Variants in CAMTA1 observed in about 807,000 individuals in gnomAD.
The protein encoded by CAMTA1 is calmodulin binding transcription activator 1.
A neutral mutation model predicts 170.9 loss-of-function variants in CAMTA1; 27 were observed. That is an observed-to-expected ratio of 0.16 (90% CI 0.12 to 0.22). The LOEUF (loss-of-function observed/expected upper bound fraction) is 0.22, where lower values mean the gene tolerates loss of function less well. Ranked by LOEUF, CAMTA1 falls within the 10% of genes least tolerant of loss-of-function variation. CAMTA1 has a pLI of 1.00. For synonymous variants in CAMTA1, 833 were observed against 891.5 expected (o/e 0.93, Z 1.17); for missense variants, 1,619 against 2,217.2 (o/e 0.73, Z 5.42).
intron 6 of CAMTA1, among the ~76,000 whole-genome samples, chr1:7,524,314 A>G (rs1618718): frequency 0.79 from 119,962 of 152,220 alleles, 47,673 homozygotes; most frequent in African/African-American, 0.89. Flanking sequence ...AAATGCAATC[A>G]ATTTTTCTGT....
At chr1:6,939,218 G>T (rs1039856407) in intron 3 of CAMTA1, among the ~76,000 whole-genome samples, 9 of 152,222 alleles carry the variant, frequency 5.9e-5, no homozygotes, top group African/African-American at 2.2e-4. Flanking sequence ...TAGTTCAGCA[G>T]GGGAACTGCG....
At chr1:7,520,434 GGA>G (rs1392173906) in intron 6 of CAMTA1, among the ~76,000 whole-genome samples, 1 of 150,390 alleles carries the variant, frequency 6.6e-6, no homozygotes, top group Non-Finnish European at 1.5e-5. Flanking sequence ...GTCTTGGCAG[GGA>G]GGTGGGGCCA....
At chr1:6,890,121 T>TC (rs1294605267) in intron 3 of CAMTA1, among the ~76,000 whole-genome samples, 3 of 152,168 alleles carry the variant, frequency 2.0e-5, no homozygotes, top group Non-Finnish European at 2.9e-5. Flanking sequence ...CCAGGAGCCT[T>TC]CCGGAGGCTC....
intron 21 of CAMTA1, 39 bp from the exon 22 acceptor site, chr1:7,755,599 T>A (rs781629129): frequency 1.9e-6 from 3 of 1,539,276 alleles, no homozygotes; most frequent in Non-Finnish European, 1.8e-6. Context: ...GTGACCCTCA[T>A]GTGCTAATAG....
At chr1:7,490,728 C>T (rs972340610) in intron 6 of CAMTA1, among the ~76,000 whole-genome samples, 5 of 152,148 alleles carry the variant, frequency 3.3e-5, no homozygotes, top group Non-Finnish European at 7.4e-5. Flanking sequence ...ACCCAGCCAC[C>T]GTGCGTTACC....
chr1:7,315,526 A>G (rs1475826925), intron 5 of CAMTA1, among the ~76,000 whole-genome samples: 1 of 152,196 alleles, frequency 6.6e-6, no homozygotes, highest in African/African-American at 2.4e-5. Context: ...CTGGGTCAAC[A>G]TGGACAACTC....
intron 5 of CAMTA1, among the ~76,000 whole-genome samples, chr1:7,401,209 T>C (rs1313967508): frequency 3.9e-5 from 6 of 152,188 alleles, no homozygotes; most frequent in Non-Finnish European, 8.8e-5. Context: ...GATTAAGAAG[T>C]GTTTTTCTTT....
chr1:7,531,650 C>T (rs1473085669), intron 6 of CAMTA1, among the ~76,000 whole-genome samples: 3 of 152,254 alleles, frequency 2.0e-5, no homozygotes, highest in African/African-American at 7.2e-5. Context: ...AGGAGAGGAG[C>T]CTCCCTCTCG....
chr1:6,990,771 C>T (rs1483671364), intron 3 of CAMTA1, among the ~76,000 whole-genome samples: 2 of 145,270 alleles, frequency 1.4e-5, no homozygotes, highest in Non-Finnish European at 3.0e-5. Flanking sequence ...ATAACATGTA[C>T]TTTCTCTCTC....
chr1:7,358,733 A>G (rs965336710), intron 5 of CAMTA1, among the ~76,000 whole-genome samples: 1 of 152,188 alleles, frequency 6.6e-6, no homozygotes, highest in African/African-American at 2.4e-5. Context: ...AGCCACCCTC[A>G]TGTGACTTGA....
intron 3 of CAMTA1, among the ~76,000 whole-genome samples, chr1:6,837,418 GC>G (rs1443790003): frequency 1.3e-5 from 2 of 152,292 alleles, no homozygotes; most frequent in Admixed American, 1.3e-4. Context: ...TTTAGGTGGT[GC>G]TGCAAAGGGA....
intron 3 of CAMTA1, among the ~76,000 whole-genome samples, chr1:6,991,506 T>A (rs1696360843): frequency 6.6e-6 from 1 of 152,236 alleles, no homozygotes; most frequent in South Asian, 2.1e-4. Context: ...TTATTAGTCA[T>A]CCATATATCT....
rs2094507950 is a variant in CAMTA1, at chr1:7,532,966, A to C, written c.510+65065A>C. 6.6e-6 allele frequency among the ~76,000 whole-genome samples: 1 copy of C among 152,178 alleles called. No individual in the cohort carries two copies. The highest frequency in any genetic ancestry group is 1.5e-5 in the Non-Finnish European group (1 of 68,032). On this transcript the variant is annotated intron_variant, in intron 6 of 22. Coordinates refer to ENST00000303635, the MANE Select transcript of CAMTA1 (RefSeq NM_015215.4). This position sits in a 1 kb window ranked among gnomAD's most constrained non-coding sequence, Gnocchi z 4.2. ...AGGGTGGGATTTCATCTGGAACAAG[A>C]GATGGGAGGCCCAGGTGGGAGTTGA...
chr1:6,977,542 A>G (rs1450555873), intron 3 of CAMTA1, among the ~76,000 whole-genome samples: 2 of 152,126 alleles, frequency 1.3e-5, no homozygotes, highest in East Asian at 1.9e-4. Flanking sequence ...AGGTTTCACC[A>G]TGTCAGCCAG....
intron 6 of CAMTA1, among the ~76,000 whole-genome samples, chr1:7,504,427 C>T (rs998541050): frequency 6.6e-6 from 1 of 152,242 alleles, no homozygotes; most frequent in Admixed American, 6.5e-5. Context: ...ATCTGAGGAC[C>T]CTGCTAGACA....
chr1:7,009,694 G>T (rs7555853), intron 3 of CAMTA1, among the ~76,000 whole-genome samples: 6,852 of 152,324 alleles, frequency 0.045, 182 homozygotes, highest in Middle Eastern at 0.14. Context: ...CCCGGTCCGG[G>T]CTGCACTCCC....
intron 3 of CAMTA1, chr1:6,888,127 C>T (rs1571398816): frequency 4.1e-6 from 4 of 978,746 alleles, no homozygotes; most frequent in East Asian, 8.0e-5. Context: ...GGGCCTTTGT[C>T]TTGTCCCCTT....
Position 7,680,164 on chromosome 1 carries a change from G to A in CAMTA1, c.2914+2431G>A, listed in dbSNP as rs1328774704. 3 of 231,628 alleles carry A rather than the reference G, an allele frequency of 1.3e-5. No homozygotes were observed. The highest frequency in any genetic ancestry group is 1.1e-4 in the South Asian group (3 of 27,290). The allele number at this position is 231,628 out of a possible 1,614,324, so 14.3% of individuals were successfully genotyped here. ...GTCCCGGGCCTCTGGCCAGCCACGG[G>A]GCCTGGCCATGAACTTTGCGTCCGG... On this transcript the variant is annotated intron_variant, in intron 11 of 22. Coordinates refer to ENST00000303635, the MANE Select transcript of CAMTA1 (RefSeq NM_015215.4). The surrounding 1 kb of genome is among the most constrained non-coding windows in gnomAD (Gnocchi z 4.4).
intron 11 of CAMTA1, among the ~76,000 whole-genome samples, chr1:7,716,222 A>G (rs1315083152): frequency 6.6e-6 from 1 of 152,042 alleles, no homozygotes; most frequent in Non-Finnish European, 1.5e-5. Context: ...TTGTTGAGAT[A>G]GGGTCTTACT....
Sources: gnomAD v4.1 joint callset for allele counts (sites outside exome capture counted in the v4.1 genomes callset) on GRCh38, gnomAD v4.1.1 for gene constraint, Gnocchi (gnomAD v3.1) non-coding constraint, MANE v1.5 for transcripts, NCBI Gene and HGNC (gene_info 2026-07-23, HGNC 2026-07-21) for gene names.